The following DARS1 variants were observed in gnomAD, a reference collection of about 807,000 sequenced individuals.
DARS1 encodes the protein aspartyl-tRNA synthetase 1, also known as aspartate--tRNA ligase, cytoplasmic.
In DARS1, 51 loss-of-function variants were observed where a neutral mutation model predicts 68.8. The ratio of observed to expected loss-of-function variants is 0.74; its 90% CI spans 0.59 to 0.94. DARS1 has a LOEUF of 0.94. Ranked by LOEUF, DARS1 falls within the 40% of genes least tolerant of loss-of-function variation. The pLI is 0.00. For missense variants in DARS1, 607 were observed against 597.3 expected (o/e 1.02, Z -0.17); for synonymous variants, 203 against 190.4 (o/e 1.07, Z -0.55).
intron 7 of DARS1, among the ~76,000 whole-genome samples, chr2:135,932,517 G>A (rs1681373439): frequency 6.6e-6 from 1 of 152,124 alleles, no homozygotes; most frequent in Admixed American, 6.5e-5. Flanking sequence ...ATATCACCTG[G>A]AAGCAAGATC....
In DARS1 at chr2:135,916,365, T is replaced by C; in HGVS notation, c.967A>G (p.Thr323Ala). ...TGTTTATTCACTGTTTGAATTTCAG[T>C]CTGAAACCTATTTGCAGAATGATTT... ...IFKGLQERFQ[T>A]EIQTVNKQFP... Residue 323 changes from threonine (T) to alanine (A), a missense_variant, in exon 11 of 16, where the codon ACT becomes GCT. Thr to Ala is a moderately conservative substitution (Grantham distance 58, BLOSUM62 0). Coordinates refer to ENST00000264161, the MANE Select transcript of DARS1 (RefSeq NM_001349.4). The C allele has an allele frequency of 6.6e-7, 1 of 1,523,190 alleles. No homozygotes were observed. Among genetic ancestry groups the C allele is most frequent in the Non-Finnish European group, 9.1e-7 (1 of 1,098,232 alleles). 94.4% of individuals were successfully genotyped at this position (1,523,190 alleles called of 1,614,324 possible).
intron 4 of DARS1, among the ~76,000 whole-genome samples, chr2:135,955,107 A>C (rs549830183): frequency 4.0e-5 from 6 of 151,716 alleles, no homozygotes; most frequent in Admixed American, 3.9e-4. Context: ...TCATCGGCTC[A>C]TATTTTTCTA....
intron 5 of DARS1, among the ~76,000 whole-genome samples, chr2:135,937,089 T>C (rs1173826130): frequency 6.6e-6 from 1 of 152,134 alleles, no homozygotes; most frequent in Non-Finnish European, 1.5e-5. Flanking sequence ...AATTCACTTA[T>C]GGTTTTTTTT....
chr2:135,977,682 C>CTCTTCTCAAAGTCTGTCAGTAT (rs1288031517), intron 3 of DARS1, among the ~76,000 whole-genome samples: 59 of 152,148 alleles, frequency 3.9e-4, no homozygotes, highest in African/African-American at 1.4e-3. Context: ...TCCACCAGTA[C>CTCTTCTCAAAGTCTGTCAGTAT]TCTTCTCAAA....
intron 4 of DARS1, among the ~76,000 whole-genome samples, chr2:135,949,643 A>G (rs1681801393): frequency 6.6e-6 from 1 of 152,192 alleles, no homozygotes; most frequent in Non-Finnish European, 1.5e-5. Flanking sequence ...CAACCTTCCT[A>G]TGTAACTCAT....
At chr2:135,985,251 G>A (rs760512306) in intron 1 of DARS1, 152 bp downstream of exon 1, 90 of 1,310,206 alleles carry the variant, frequency 6.9e-5, no homozygotes, top group Non-Finnish European at 8.8e-5. Flanking sequence ...CCACTGCTGG[G>A]GCAAGGGCTC....
At chr2:135,932,953 C>T (rs373755711) in intron 6 of DARS1, 111 bp from the exon 7 acceptor site, 17 of 592,356 alleles carry the variant, frequency 2.9e-5, no homozygotes, top group East Asian at 1.2e-4. Context: ...GATGTGTGTA[C>T]GTTAATATTA....
chr2:135,962,794 GACAAAGGTTATTACC>G (rs1217674022), intron 3 of DARS1, among the ~76,000 whole-genome samples: 2 of 152,140 alleles, frequency 1.3e-5, no homozygotes, highest in Admixed American at 1.3e-4. Context: ...ATATTGGAAG[GACAAAGGTTATTACC>G]ACAGAGAAAC....
intron 12 of DARS1, among the ~76,000 whole-genome samples, chr2:135,913,410 C>CT (rs1005423947): frequency 1.6e-4 from 24 of 152,130 alleles, no homozygotes; most frequent in South Asian, 4.1e-4. Context: ...GAAATTATGA[C>CT]TTTTTTTAGA....
At chr2:135,960,840 T>G (rs2104833502) in intron 4 of DARS1, among the ~76,000 whole-genome samples, 1 of 152,342 alleles carries the variant, frequency 6.6e-6, no homozygotes, top group South Asian at 2.1e-4. Flanking sequence ...CTACGGGAAC[T>G]CTGAGCCAGA....
intron 2 of DARS1, among the ~76,000 whole-genome samples, chr2:135,982,370 G>A (rs1396535673): frequency 1.3e-5 from 2 of 152,022 alleles, no homozygotes; most frequent in African/African-American, 4.8e-5. Context: ...CGAGGTGGGT[G>A]GATTGCCTTG....
intron 3 of DARS1, among the ~76,000 whole-genome samples, chr2:135,968,573 T>C (rs1420779172): frequency 6.6e-6 from 1 of 151,866 alleles, no homozygotes; most frequent in Non-Finnish European, 1.5e-5. Context: ...ACTCCTGTGA[T>C]AATCCATTCA....
At chr2:135,919,872 T>C (rs1681080581) in intron 10 of DARS1, among the ~76,000 whole-genome samples, 1 of 152,256 alleles carries the variant, frequency 6.6e-6, no homozygotes, top group Admixed American at 6.5e-5. Context: ...ATTTAAGAAT[T>C]AACCATATTT....
rs767343990 is a variant in DARS1, at chr2:135,920,460, G to T, written c.952C>A (p.Gln318Lys). Residue 318 changes from glutamine (Q) to lysine (K), a missense_variant, in exon 10 of 16, where the codon CAA (glutamine) becomes AAA (lysine). Gln to Lys is a moderately conservative substitution (Grantham distance 53). Transcript: ENST00000264161. Reference protein sequence around the residue: ...DTMVQIFKGLQERFQTEIQTV... With the variant: ...DTMVQIFKGLKERFQTEIQTV... Reference sequence around the variant, plus strand: ...GCATAAAATACTTTTTACCTTTCTTGAAGTCCTTTGAATATTTGTACCATG... The same window carrying T: ...GCATAAAATACTTTTTACCTTTCTTTAAGTCCTTTGAATATTTGTACCATG... 2 of 1,611,776 alleles carry T rather than the reference G, an allele frequency of 1.2e-6. No individual in the cohort carries two copies. Among genetic ancestry groups the T allele is most frequent in the African/African-American group, 1.3e-5 (1 of 74,852 alleles).
chr2:135,968,940 CAT>C (rs796462665), intron 3 of DARS1, among the ~76,000 whole-genome samples: 5 of 152,160 alleles, frequency 3.3e-5, no homozygotes, highest in African/African-American at 1.2e-4. Flanking sequence ...TGGGATTACA[CAT>C]GTGAGCCACC....
At chr2:135,948,143 G>C (rs1390523142) in intron 4 of DARS1, among the ~76,000 whole-genome samples, 2 of 152,120 alleles carry the variant, frequency 1.3e-5, no homozygotes, top group African/African-American at 4.8e-5. Context: ...TGTTGCAGTG[G>C]ACAGGACTGA....
chr2:135,982,477 T>C (rs1055841709), intron 2 of DARS1, among the ~76,000 whole-genome samples: 5 of 151,276 alleles, frequency 3.3e-5, no homozygotes, highest in Non-Finnish European at 7.4e-5. Context: ...GCGCCTGTAG[T>C]CCCAGCTGCT....
chr2:135,915,624 A>T (rs562094446), intron 11 of DARS1, among the ~76,000 whole-genome samples: 1 of 152,178 alleles, frequency 6.6e-6, no homozygotes. Context: ...TTTCAAAATT[A>T]TAAGTCGTAT....
chr2:135,918,293 C>T (rs895898801), intron 10 of DARS1, among the ~76,000 whole-genome samples: 9 of 151,924 alleles, frequency 5.9e-5, no homozygotes, highest in Non-Finnish European at 5.9e-5. Flanking sequence ...AATGGTAGTA[C>T]AAAAATATGA....
Sources: gnomAD v4.1 joint callset for allele counts (sites outside exome capture counted in the v4.1 genomes callset) on GRCh38, gnomAD v4.1.1 for gene constraint, MANE v1.5 for transcripts, NCBI Gene and HGNC (gene_info 2026-07-23, HGNC 2026-07-21) for gene names.